TMCC1: variants seen among roughly 807,000 people sequenced by gnomAD.
The protein encoded by TMCC1 is transmembrane and coiled-coil domains protein 1.
Under a neutral mutation model 52.4 loss-of-function variants are expected in TMCC1, and 15 were observed. That is an observed-to-expected ratio of 0.29 (90% confidence interval 0.19 to 0.44). TMCC1 has a LOEUF of 0.44. Ranked by LOEUF, TMCC1 falls within the 20% of genes least tolerant of loss-of-function variation. TMCC1 has a pLI of 1.00. For missense variants in TMCC1, 503 were observed against 806.0 expected (o/e 0.62, Z 4.55); for synonymous variants, 279 against 301.9 (o/e 0.92, Z 0.79).
intron 5 of TMCC1, among the ~76,000 whole-genome samples, chr3:129,666,738 C>T (rs2087487579): frequency 6.6e-6 from 1 of 151,336 alleles, no homozygotes; most frequent in African/African-American, 2.4e-5. Context: ...GAAACTCTGT[C>T]TCCAAAAACA....
intron 2 of TMCC1, among the ~76,000 whole-genome samples, chr3:129,833,139 G>A (rs4688814): frequency 6.6e-6 from 1 of 152,040 alleles, no homozygotes; most frequent in Admixed American, 6.6e-5. Context: ...ACTGAATAAG[G>A]AATGGATATT....
intron 4 of TMCC1, among the ~76,000 whole-genome samples, chr3:129,785,653 G>C (rs1369142595): frequency 6.6e-6 from 1 of 151,852 alleles, no homozygotes; most frequent in African/African-American, 2.4e-5. Flanking sequence ...ATACCATGTA[G>C]ATCTATGATC....
At chr3:129,888,138 T>C (rs543760044) in intron 1 of TMCC1, among the ~76,000 whole-genome samples, 152 of 152,340 alleles carry the variant, frequency 1.0e-3, no homozygotes, top group African/African-American at 3.4e-3. Context: ...TATACGTGTA[T>C]GCTGGAATGG....
chr3:129,703,538 T>G (rs923164410), intron 4 of TMCC1, among the ~76,000 whole-genome samples: 2 of 152,230 alleles, frequency 1.3e-5, no homozygotes, highest in African/African-American at 4.8e-5. Flanking sequence ...GGGACTTGTA[T>G]GATTTATGGG....
chr3:129,866,365 T>G lies in TMCC1; in HGVS notation c.-184+13944A>C, dbSNP rs559158317. Among the ~76,000 whole-genome samples, 3 of 122,904 alleles carry G rather than the reference T, an allele frequency of 2.4e-5. No individual in the cohort carries two copies. The South Asian group carries it at 7.0e-4, about 29-fold the overall frequency. The allele number at this position is 122,904 out of a possible 152,430, so 80.6% of individuals were successfully genotyped here. On this transcript the variant is annotated intron_variant, in intron 2 of 6. Transcript: ENST00000393238. Reference sequence around the variant, plus strand: ...TATTATATATACATAATATATATTTTATATATATATATGTTTTTTTTTTTT... The same window carrying G: ...TATTATATATACATAATATATATTTGATATATATATATGTTTTTTTTTTTT...
At chr3:129,771,502 C>T (rs756825675) in intron 4 of TMCC1, among the ~76,000 whole-genome samples, 9 of 151,946 alleles carry the variant, frequency 5.9e-5, no homozygotes, top group African/African-American at 1.9e-4. Context: ...GGGCTGGGCA[C>T]GGTTGCTCAC....
At chr3:129,805,497 G>A (rs1250298390) in intron 4 of TMCC1, among the ~76,000 whole-genome samples, 1 of 152,060 alleles carries the variant, frequency 6.6e-6, no homozygotes, top group Non-Finnish European at 1.5e-5. Context: ...TGACACTGTA[G>A]GCCAATGAAA....
chr3:129,690,042 C>T (rs2089677499), intron 4 of TMCC1, among the ~76,000 whole-genome samples: 1 of 152,148 alleles, frequency 6.6e-6, no homozygotes, highest in Non-Finnish European at 1.5e-5. Context: ...TAGAAAACCA[C>T]AAATGAGCAG....
intron 5 of TMCC1, among the ~76,000 whole-genome samples, chr3:129,655,929 G>A (rs1414450866): frequency 6.6e-6 from 1 of 152,232 alleles, no homozygotes; most frequent in African/African-American, 2.4e-5. Flanking sequence ...GTGGAAAAAT[G>A]AATGTGAGTA....
chr3:129,692,895 T>G (rs1396377548), intron 4 of TMCC1, among the ~76,000 whole-genome samples: 1 of 152,104 alleles, frequency 6.6e-6, no homozygotes, highest in Non-Finnish European at 1.5e-5. Context: ...CAGGCTGGAG[T>G]GCAGAGGTAC....
At chr3:129,891,802 G>A (rs916152102) in intron 1 of TMCC1, among the ~76,000 whole-genome samples, 6 of 152,152 alleles carry the variant, frequency 3.9e-5, no homozygotes, top group African/African-American at 1.2e-4. Context: ...CCACTCTGAG[G>A]AGCTTAAACC....
At chr3:129,844,910 A>G (rs1003637539) in intron 2 of TMCC1, among the ~76,000 whole-genome samples, 12 of 152,194 alleles carry the variant, frequency 7.9e-5, no homozygotes, top group Admixed American at 4.6e-4. Context: ...GAGGGAAAGG[A>G]TGTCTATAAG....
intron 4 of TMCC1, among the ~76,000 whole-genome samples, chr3:129,766,571 G>T (rs532033613): frequency 1.3e-5 from 2 of 152,270 alleles, no homozygotes; most frequent in Non-Finnish European, 2.9e-5. Flanking sequence ...TGGTTATTTA[G>T]ATTGTATGAC....
intron 4 of TMCC1, among the ~76,000 whole-genome samples, chr3:129,767,573 T>C (rs141775120): frequency 1.8e-4 from 28 of 152,270 alleles, no homozygotes; most frequent in African/African-American, 6.0e-4. Flanking sequence ...AGGATCTTTC[T>C]ATACTGCCCA....
chr3:129,802,964 G>A (rs6439200), intron 4 of TMCC1, among the ~76,000 whole-genome samples: 35,775 of 152,134 alleles, frequency 0.24, 6,800 homozygotes, highest in East Asian at 0.57. Flanking sequence ...AGGTTGATGG[G>A]CTCACCACTG....
chr3:129,805,340 T>A (rs558801930), intron 4 of TMCC1, among the ~76,000 whole-genome samples: 149 of 152,152 alleles, frequency 9.8e-4, no homozygotes, highest in African/African-American at 3.3e-3. Context: ...TGTTTTGTAT[T>A]TTTGTAGAGA....
chr3:129,670,364 A>G lies in TMCC1; in HGVS notation c.1477T>C (p.Leu493=), dbSNP rs1008064816. The part of the protein sequence containing the change: ...LKEHYQRDYS[L]IMQTLQEERY... ...TCCTCCTGTAAGGTCTGCATTATTA[A>G]GGAATAGTCCCTCTGATAATGTTCC... The change falls in exon 5 of 7, where the codon TTA becomes CTA. Residue 493 remains leucine, a synonymous_variant. Transcript: ENST00000393238. The G allele has an allele frequency of 6.2e-7, 1 of 1,614,166 alleles. No individual in the cohort carries two copies. Among genetic ancestry groups the G allele is most frequent in the African/African-American group, 1.3e-5 (1 of 75,062 alleles).
chr3:129,745,416 G>A (rs904248428), intron 4 of TMCC1, among the ~76,000 whole-genome samples: 1 of 152,218 alleles, frequency 6.6e-6, no homozygotes, highest in African/African-American at 2.4e-5. Flanking sequence ...CCTGTGCCAA[G>A]AGTAGTTTTG....
At chr3:129,783,435 A>G (rs982357983) in intron 4 of TMCC1, among the ~76,000 whole-genome samples, 2 of 152,108 alleles carry the variant, frequency 1.3e-5, no homozygotes, top group Non-Finnish European at 2.9e-5. Flanking sequence ...TCTAGCATTT[A>G]TTTTATGATC....
Sources: gnomAD v4.1 joint callset for allele counts (sites outside exome capture counted in the v4.1 genomes callset) on GRCh38, gnomAD v4.1.1 for gene constraint, MANE v1.5 for transcripts, NCBI Gene and HGNC (gene_info 2026-07-23, HGNC 2026-07-21) for gene names.